The following CCDC93 variants were observed in gnomAD, a reference collection of about 807,000 sequenced individuals.
CCDC93 encodes the protein coiled-coil domain-containing protein 93.
A neutral mutation model predicts 108.2 loss-of-function variants in CCDC93; 61 were observed. The ratio of observed to expected loss-of-function variants is 0.56; its 90% confidence interval spans 0.46 to 0.70. The LOEUF is 0.70. Among genes scored for constraint, CCDC93 ranks in the 30% least tolerant of loss-of-function variants. The pLI is 0.00. For missense variants in CCDC93, 685 were observed against 764.2 expected, an observed-to-expected ratio of 0.90 and a Z score of 1.22; for synonymous variants, 276 against 260.4, an observed-to-expected ratio of 1.06 and a Z score of -0.58.
rs1380266884 is a variant in CCDC93, at chr2:117,915,494, GCTTTAT to G, written c.*4843_*4848del. The G allele has an allele frequency of 6.6e-6, 1 of 152,030 alleles. No homozygotes were observed. Among genetic ancestry groups the G allele is most frequent in the Non-Finnish European group, 1.5e-5 (1 of 68,012 alleles). The allele number at this position is 152,030 out of a possible 1,614,324, so 9.4% of individuals were successfully genotyped here. A position where few individuals can be genotyped will look rare whatever the true frequency, so the allele number is the denominator to read the frequency against. On this transcript the variant is annotated 3_prime_UTR_variant, in exon 24 of 24. Coordinates refer to ENST00000376300, the MANE Select transcript of CCDC93 (RefSeq NM_019044.5). ...GAGTCTCACTACTTTTGAATCAAAG[GCTTTAT>G]CTTTAAGAAAGCAGATTTAGAGAAT...
At position 117,915,625 on chromosome 2, in the gene CCDC93, C is replaced by A. The variant is rs1025732862; in HGVS notation, c.*4718G>T. On this transcript the variant is annotated 3_prime_UTR_variant, in exon 24 of 24. Coordinates refer to ENST00000376300, the MANE Select transcript of CCDC93 (RefSeq NM_019044.5). ...TAATACATGTACATGGTACAAAATT[C>A]AAAAGGTACAAAAGGTGTACATTGA... The A allele has an allele frequency of 6.6e-6, 1 of 152,068 alleles. No homozygotes were observed. The highest frequency in any genetic ancestry group is 2.4e-5 in the African/African-American group (1 of 41,386). The allele number at this position is 152,068 out of a possible 1,614,324, so 9.4% of individuals were successfully genotyped here. A position where few individuals can be genotyped will look rare whatever the true frequency, so the allele number is the denominator to read the frequency against.
Position 117,973,896 on chromosome 2 carries a change from G to GCC in CCDC93, c.888+10_888+11dup. 1 of 1,599,692 alleles carries GCC rather than the reference G, an allele frequency of 6.3e-7. No individual in the cohort carries two copies. Among genetic ancestry groups the GCC allele is most frequent in the Non-Finnish European group, 8.5e-7 (1 of 1,170,534 alleles). On this transcript the variant is annotated intron_variant, in intron 11 of 23. Coordinates refer to ENST00000376300, the MANE Select transcript of CCDC93 (RefSeq NM_019044.5). ...TATCTGGGGCACAGACTCCAGCTGG[G>GCC]CCCCCACCTACCTTCTCTGCATACT...
intron 6 of CCDC93, among the ~76,000 whole-genome samples, chr2:117,989,516 G>A (rs1026089123): frequency 1.3e-5 from 2 of 152,134 alleles, no homozygotes; most frequent in African/African-American, 4.8e-5. Flanking sequence ...CTCACTAGCT[G>A]GAATGTCACT....
chr2:117,957,950 G>C (rs1166129804), intron 12 of CCDC93, among the ~76,000 whole-genome samples: 3 of 152,062 alleles, frequency 2.0e-5, no homozygotes, highest in Non-Finnish European at 4.4e-5. Context: ...TAAGATCCTT[G>C]ACAGGAAGGA....
At chr2:117,993,048 C>G (rs1471100484) in intron 6 of CCDC93, among the ~76,000 whole-genome samples, 1 of 152,004 alleles carries the variant, frequency 6.6e-6, no homozygotes. Context: ...TCATTCTCTA[C>G]CCAGGGCTCA....
chr2:117,986,498 G>A (rs571676906), intron 6 of CCDC93, among the ~76,000 whole-genome samples: 1 of 152,074 alleles, frequency 6.6e-6, no homozygotes, highest in Admixed American at 6.5e-5. Context: ...AGGTATTCGG[G>A]CTGCTTGTCC....
chr2:117,925,862 A>T (rs377574264), intron 23 of CCDC93, among the ~76,000 whole-genome samples: 5 of 152,172 alleles, frequency 3.3e-5, no homozygotes, highest in South Asian at 2.1e-4. Flanking sequence ...GACCACATAG[A>T]TGGAAGTAAA....
chr2:117,950,396 T>C (rs934094488), intron 13 of CCDC93: 2 of 985,096 alleles, frequency 2.0e-6, no homozygotes, highest in Non-Finnish European at 2.4e-6. Context: ...GAAATTAGAG[T>C]TGTGACTGCT....
chr2:117,968,545 T>C (rs1178488052), intron 11 of CCDC93, among the ~76,000 whole-genome samples: 3 of 152,210 alleles, frequency 2.0e-5, no homozygotes, highest in African/African-American at 7.2e-5. Context: ...TCTGCTGCTC[T>C]ACAAGAACCA....
chr2:117,959,674 G>A (rs1452333506), intron 11 of CCDC93, among the ~76,000 whole-genome samples: 1 of 152,202 alleles, frequency 6.6e-6, no homozygotes, highest in African/African-American at 2.4e-5. Flanking sequence ...GCAGGATACA[G>A]CTGCATAAAA....
At chr2:117,942,640 G>GC (rs1678738314) in intron 18 of CCDC93, among the ~76,000 whole-genome samples, 1 of 152,144 alleles carries the variant, frequency 6.6e-6, no homozygotes, top group Non-Finnish European at 1.5e-5. Context: ...CTGCTCAGGT[G>GC]CATCTTCACT....
At chr2:117,939,495 C>T (rs1222759655) in intron 19 of CCDC93, among the ~76,000 whole-genome samples, 1 of 152,138 alleles carries the variant, frequency 6.6e-6, no homozygotes, top group Non-Finnish European at 1.5e-5. Context: ...ATGTCTTTAT[C>T]AGATGATTTT....
intron 11 of CCDC93, among the ~76,000 whole-genome samples, chr2:117,965,656 T>C (rs984570197): frequency 6.6e-6 from 1 of 152,214 alleles, no homozygotes; most frequent in African/African-American, 2.4e-5. Flanking sequence ...TTTATAGGCA[T>C]ACAAATTGTA....
intron 1 of CCDC93, among the ~76,000 whole-genome samples, chr2:118,009,966 C>T (rs1016665383): frequency 6.6e-6 from 1 of 151,596 alleles, no homozygotes; most frequent in African/African-American, 2.4e-5. Context: ...GCTCTGTCAC[C>T]CTGGCTGGAG....
chr2:118,013,940 G>A lies in CCDC93; in HGVS notation c.42+14C>T, dbSNP rs1389177569. 1.9e-6 allele frequency: 3 copies of A among 1,576,898 alleles called. No individual in the cohort carries two copies. The highest frequency in any genetic ancestry group is 1.2e-5 in the South Asian group (1 of 85,482). On this transcript the variant is annotated intron_variant, in intron 1 of 23. Transcript: ENST00000376300. Reference sequence around the variant, plus strand: ...GGAACCCCGACGTGTCAGGGAAGGAGGAGGCGTTCTTACCTCCGGGAGACC... The same window carrying A: ...GGAACCCCGACGTGTCAGGGAAGGAAGAGGCGTTCTTACCTCCGGGAGACC...
chr2:117,945,182 T>C (rs960164347), intron 17 of CCDC93, among the ~76,000 whole-genome samples: 2 of 152,224 alleles, frequency 1.3e-5, no homozygotes, highest in Non-Finnish European at 2.9e-5. Flanking sequence ...AGAGAAGGTT[T>C]TCCCCTCTGT....
chr2:117,947,839 G>C (rs569357865), intron 15 of CCDC93, among the ~76,000 whole-genome samples: 3 of 151,890 alleles, frequency 2.0e-5, no homozygotes, highest in African/African-American at 7.3e-5. Flanking sequence ...GACTACAGGC[G>C]CCAGCCACCA....
In CCDC93 at chr2:117,932,735, A is replaced by T. The variant is rs75423336; in HGVS notation, c.1729-1585T>A. ...CGATGGAACCCCTAATGCTGCCTGC[A>T]TGGGTCTCTGACACCCACTCATGAT... On this transcript the variant is annotated intron_variant, in intron 22 of 23. Transcript: ENST00000376300. Among the ~76,000 whole-genome samples, 161 of 152,294 alleles carry T rather than the reference A, an allele frequency of 1.1e-3. No individual in the cohort carries two copies. In the East Asian group the frequency reaches 0.028, roughly 27 times the overall value.
At chr2:117,931,949 C>T (rs1368178740) in intron 22 of CCDC93, among the ~76,000 whole-genome samples, 1 of 152,192 alleles carries the variant, frequency 6.6e-6, no homozygotes, top group Non-Finnish European at 1.5e-5. Flanking sequence ...TCTCACAGAG[C>T]ATACATTCTA....
Sources: allele counts gnomAD v4.1 joint callset (sites outside exome capture counted in the v4.1 genomes callset), GRCh38; gene constraint gnomAD v4.1.1; transcripts MANE v1.5; gene names NCBI Gene and HGNC (gene_info 2026-07-23, HGNC 2026-07-21).